The following KCNN2 variants were observed in gnomAD, a reference collection of about 807,000 sequenced individuals.
The protein encoded by KCNN2 is potassium calcium-activated channel subfamily N member 2.
KCNN2 carries 24 observed loss-of-function variants against 55.5 expected under a neutral mutation model. That is an observed-to-expected ratio of 0.43 (90% CI 0.31 to 0.61). The LOEUF (loss-of-function observed/expected upper bound fraction) is 0.61, where lower values mean the gene tolerates loss of function less well. KCNN2 is among the 20% of genes least tolerant of loss of function. The pLI is 0.08. For synonymous variants in KCNN2, 431 were observed against 336.1 expected (o/e 1.28, Z -3.09); for missense variants, 754 against 853.6 (o/e 0.88, Z 1.45).
At chr5:114,306,932 G>C (rs767113030) in intron 2 of KCNN2, among the ~76,000 whole-genome samples, 3 of 152,034 alleles carry the variant, frequency 2.0e-5, no homozygotes, top group Middle Eastern at 3.4e-3. Flanking sequence ...TTGAACTCCT[G>C]ACCTCAGGTG....
intron 5 of KCNN2, among the ~76,000 whole-genome samples, chr5:114,481,033 G>A (rs1052482031): frequency 2.0e-4 from 30 of 152,012 alleles, no homozygotes; most frequent in African/African-American, 7.0e-4. Flanking sequence ...GAAAGAAAGA[G>A]TATTCAAATA....
chr5:114,153,457 G>A (rs923993510), intron 1 of KCNN2, among the ~76,000 whole-genome samples: 2 of 152,116 alleles, frequency 1.3e-5, no homozygotes, highest in African/African-American at 4.8e-5. Context: ...GAGTTAGTTT[G>A]CCACAGTATC....
At chr5:114,323,230 G>C (rs1162148688) in intron 2 of KCNN2, among the ~76,000 whole-genome samples, 4 of 152,324 alleles carry the variant, frequency 2.6e-5, no homozygotes, top group Non-Finnish European at 5.9e-5. Flanking sequence ...AAAGCACAGT[G>C]GTTAAGAGCA....
intron 6 of KCNN2, 159 bp from the exon 7 acceptor site, chr5:114,493,244 C>T: frequency 1.4e-6 from 1 of 699,032 alleles, no homozygotes; most frequent in East Asian, 2.7e-5. Context: ...GCATGCTTCT[C>T]ATTGTACCAG....
At chr5:114,357,748 C>T (rs1481063859), upstream of KCNN2, among the ~76,000 whole-genome samples, 13 of 141,338 alleles carry the variant, frequency 9.2e-5, no homozygotes, top group Admixed American at 2.9e-4. Flanking sequence ...TGAATAATGC[C>T]GCAATAAACA....
chr5:114,191,367 C>T (rs2112563131), intron 1 of KCNN2, among the ~76,000 whole-genome samples: 1 of 152,176 alleles, frequency 6.6e-6, no homozygotes. Flanking sequence ...AGAACCTAAG[C>T]ACCTAAAAAT....
At chr5:114,177,353 G>A (rs959344141) in intron 1 of KCNN2, among the ~76,000 whole-genome samples, 64 of 152,064 alleles carry the variant, frequency 4.2e-4, no homozygotes, top group African/African-American at 1.5e-3. Context: ...TAGCCAGGAT[G>A]GTCTCGATCT....
At chr5:114,475,510 A>T (rs1356114059) in intron 5 of KCNN2, among the ~76,000 whole-genome samples, 2 of 152,200 alleles carry the variant, frequency 1.3e-5, no homozygotes, top group African/African-American at 4.8e-5. Flanking sequence ...TACTGAATAT[A>T]TTGTAATTTC....
At chr5:114,486,972 GA>G in intron 5 of KCNN2, 77 bp from the exon 6 acceptor site, 3 of 1,512,912 alleles carry the variant, frequency 2.0e-6, no homozygotes, top group South Asian at 1.2e-5. Flanking sequence ...TCCTTGGGAT[GA>G]AGACTATGAC....
chr5:114,388,632 G>C (rs73782221), intron 2 of KCNN2, among the ~76,000 whole-genome samples: 1 of 151,966 alleles, frequency 6.6e-6, no homozygotes, highest in Non-Finnish European at 1.5e-5. Context: ...TCTGGTTTAT[G>C]TTTACTTCTT....
In KCNN2 at chr5:114,287,773, A is replaced by C. The variant is rs949118781; in HGVS notation, c.-185+66208A>C. 3.3e-5 allele frequency among the ~76,000 whole-genome samples: 5 copies of C among 152,046 alleles called. No individual in the cohort carries two copies. In the South Asian group the frequency reaches 1.0e-3, roughly 32 times the overall value. On this transcript the variant is annotated intron_variant, in intron 2 of 10. Transcript: ENST00000512097. ...ACTTAAATAAAAAAAAAAAAGAAGA[A>C]GAATACTCAGAGAGTAGGATGCTTT...
chr5:114,491,805 T>G (rs1747871570), intron 6 of KCNN2, among the ~76,000 whole-genome samples: 1 of 152,108 alleles, frequency 6.6e-6, no homozygotes. Context: ...CACTGCTCTT[T>G]CTTTAGTACA....
intron 1 of KCNN2, among the ~76,000 whole-genome samples, chr5:114,169,020 G>A (rs530017042): frequency 2.0e-5 from 3 of 152,044 alleles, no homozygotes; most frequent in African/African-American, 7.2e-5. Context: ...ACAAGATCTG[G>A]TTGTTTGAAA....
intron 1 of KCNN2, among the ~76,000 whole-genome samples, chr5:114,155,419 G>A (rs1252138370): frequency 6.6e-6 from 1 of 152,052 alleles, no homozygotes; most frequent in East Asian, 1.9e-4. Context: ...TGAGATTGCG[G>A]GTCAAATGTT....
At chr5:114,342,260 T>C (rs556574517) in intron 2 of KCNN2, among the ~76,000 whole-genome samples, 7 of 152,228 alleles carry the variant, frequency 4.6e-5, no homozygotes, top group Non-Finnish European at 8.8e-5. Flanking sequence ...TCTTATGCAC[T>C]TACTCAAATA....
intron 3 of KCNN2, among the ~76,000 whole-genome samples, chr5:114,446,015 T>C (rs1027528889): frequency 9.9e-5 from 15 of 152,200 alleles, no homozygotes; most frequent in Non-Finnish European, 2.1e-4. Context: ...ATTCTTCACT[T>C]CTTGTGGATG....
intron 1 of KCNN2, among the ~76,000 whole-genome samples, chr5:114,122,265 A>G (rs778253421): frequency 3.9e-5 from 6 of 152,174 alleles, no homozygotes; most frequent in Non-Finnish European, 7.4e-5. Flanking sequence ...GAGTAATAAC[A>G]GCATTGCTAC....
intron 1 of KCNN2, among the ~76,000 whole-genome samples, chr5:114,170,437 G>A (rs1352256508): frequency 2.0e-5 from 3 of 151,904 alleles, no homozygotes; most frequent in Admixed American, 6.6e-5. Context: ...CTTTGGTTAT[G>A]CTTTGTGGTG....
intron 2 of KCNN2, among the ~76,000 whole-genome samples, chr5:114,297,323 T>C (rs546541985): frequency 1.3e-5 from 2 of 152,076 alleles, no homozygotes; most frequent in African/African-American, 4.8e-5. Context: ...GTCTCTAAAA[T>C]AGAGAAATAA....
Sources: gnomAD v4.1 joint callset for allele counts (sites outside exome capture counted in the v4.1 genomes callset) on GRCh38, gnomAD v4.1.1 for gene constraint, MANE v1.5 for transcripts, NCBI Gene and HGNC (gene_info 2026-07-23, HGNC 2026-07-21) for gene names.